Variants in FKBP5 observed in about 807,000 individuals in gnomAD.
FKBP5 encodes FKBP prolyl isomerase 5.
Under a neutral mutation model 50.5 loss-of-function variants are expected in FKBP5, and 23 were observed. The observed-to-expected ratio is 0.46, with a 90% CI of 0.33 to 0.65. FKBP5 has a LOEUF of 0.65. Ranked by LOEUF, FKBP5 falls within the 30% of genes least tolerant of loss-of-function variation. The probability of loss-of-function intolerance (pLI) is 0.02; values close to 1 mark genes in which losing one functional copy is unlikely to be tolerated. For synonymous variants in FKBP5, 176 were observed against 190.6 expected (o/e 0.92, Z 0.63); for missense variants, 411 against 553.1 (o/e 0.74, Z 2.58).
rs144774296 is a variant in FKBP5, at chr6:35,610,288, C to T, written c.508+8808G>A. Among the ~76,000 whole-genome samples, 191 of 152,118 alleles carry T rather than the reference C, an allele frequency of 1.3e-3. 2 individuals are homozygous for T. The East Asian group carries it at 0.029, about 23-fold the overall frequency. On this transcript the variant is annotated intron_variant, in intron 5 of 10. Coordinates refer to ENST00000357266, the MANE Select transcript of FKBP5 (RefSeq NM_004117.4). ...TTTGTTTTAAAAGTTCAAAAAAGGC[C>T]GGGCGTGGTGGTTCACACCTATAAT...
intron 1 of FKBP5, among the ~76,000 whole-genome samples, chr6:35,676,503 A>G (rs1177767123): frequency 1.3e-5 from 2 of 152,232 alleles, no homozygotes; most frequent in African/African-American, 4.8e-5. Context: ...TCATACAGCA[A>G]CTTAGTGGCA....
intron 1 of FKBP5, among the ~76,000 whole-genome samples, chr6:35,663,661 C>T (rs934616460): frequency 1.3e-5 from 2 of 152,224 alleles, no homozygotes; most frequent in African/African-American, 4.8e-5. Context: ...TTTGCACTTG[C>T]TATCCCCACT....
chr6:35,584,294 T>C, intron 8 of FKBP5: 1 of 985,454 alleles, frequency 1.0e-6, no homozygotes, highest in South Asian at 4.7e-5. Flanking sequence ...AATGGCAAAA[T>C]CATTCCCACT....
chr6:35,707,104 A>G (rs1766329980), intron 2 of FKBP5, among the ~76,000 whole-genome samples: 1 of 152,100 alleles, frequency 6.6e-6, no homozygotes, highest in Non-Finnish European at 1.5e-5. Context: ...CTGGGAATCT[A>G]GGGAGGAAAA....
intron 1 of FKBP5, among the ~76,000 whole-genome samples, chr6:35,657,775 G>C (rs1379722634): frequency 6.6e-6 from 1 of 151,726 alleles, no homozygotes; most frequent in Admixed American, 6.6e-5. Flanking sequence ...TTTGTACTTA[G>C]GGGGTCTCAC....
At chr6:35,579,746 T>C (rs1270022296) in intron 9 of FKBP5, among the ~76,000 whole-genome samples, 1 of 152,204 alleles carries the variant, frequency 6.6e-6, no homozygotes. Flanking sequence ...CTGATATAAA[T>C]ACTACAGTTA....
intron 5 of FKBP5, among the ~76,000 whole-genome samples, chr6:35,602,821 A>G (rs1561852751): frequency 2.6e-5 from 4 of 152,170 alleles, no homozygotes; most frequent in South Asian, 2.1e-4. Flanking sequence ...CTGGAACTGA[A>G]TAACATTTAT....
chr6:35,707,874 A>G (rs576591222), intron 2 of FKBP5, among the ~76,000 whole-genome samples: 1 of 152,312 alleles, frequency 6.6e-6, no homozygotes, highest in Admixed American at 6.5e-5. Flanking sequence ...CTGGCAAAGG[A>G]TATGATCTCC....
At chr6:35,724,244 A>T (rs1266882902) in intron 1 of FKBP5, among the ~76,000 whole-genome samples, 1 of 152,126 alleles carries the variant, frequency 6.6e-6, no homozygotes, top group African/African-American at 2.4e-5. Flanking sequence ...CCAGAGCCAA[A>T]TCAATACAAC....
At chr6:35,623,128 G>C (rs184674431) in intron 3 of FKBP5, among the ~76,000 whole-genome samples, 108 of 152,300 alleles carry the variant, frequency 7.1e-4, no homozygotes, top group African/African-American at 2.3e-3. Context: ...TGTAGTCCCA[G>C]CTACTCCGGA....
chr6:35,712,399 A>G (rs1032721648), intron 2 of FKBP5, among the ~76,000 whole-genome samples: 5 of 152,100 alleles, frequency 3.3e-5, no homozygotes, highest in Non-Finnish European at 7.4e-5. Context: ...TGTCAGGAGA[A>G]AGCCCCAGAA....
At position 35,637,125 on chromosome 6, in the gene FKBP5, G is replaced by C; in HGVS notation, c.139C>G (p.Pro47Ala). Residue 47 changes from proline (P) to alanine (A), a missense_variant, in exon 3 of 11, where the codon CCG becomes GCG. This residue lies in a region of FKBP5 where 56 missense variants were observed against 58.2 expected (regional missense o/e 0.96). Transcript: ENST00000357266. ...VKRVGNGEET[P>A]MIGDKVYVHY... is the part of the protein sequence containing the mutation. ...ACATAAACTTTGTCTCCAATCATCG[G>C]CGTTTCCTCACCATTCCCCACTCTT... is the stretch of plus-strand genomic sequence containing the variant. 1 of 1,609,198 alleles carries C rather than the reference G, an allele frequency of 6.2e-7. No homozygotes were observed. Among genetic ancestry groups the C allele is most frequent in the Non-Finnish European group, 8.5e-7 (1 of 1,178,972 alleles).
rs1006637180 is a variant in FKBP5 at position 35,728,074 on chromosome 6, G to A, written c.-241+434C>T. Among the ~76,000 whole-genome samples, 3 of 152,328 alleles carry A rather than the reference G, an allele frequency of 2.0e-5. No individual in the cohort carries two copies. The South Asian group carries it at 6.2e-4, about 32-fold the overall frequency. The stretch of plus-strand genomic sequence containing the variant: ...CGAGCACAAACAGGGCGAGGAGGCT[G>A]GTGTGAGCGCCTGGGCCCGCTGCCA... On this transcript the variant is annotated intron_variant, in intron 1 of 11. Transcript: ENST00000536438.
chr6:35,714,690 GC>G (rs1766481869), intron 2 of FKBP5, among the ~76,000 whole-genome samples: 1 of 151,190 alleles, frequency 6.6e-6, no homozygotes, highest in African/African-American at 2.4e-5. Flanking sequence ...GGTGGCGGGA[GC>G]CTGTAATCCC....
At chr6:35,650,641 A>C (rs1764773671) in intron 1 of FKBP5, among the ~76,000 whole-genome samples, 1 of 151,768 alleles carries the variant, frequency 6.6e-6, no homozygotes, top group Non-Finnish European at 1.5e-5. Context: ...TGCCCGGCTA[A>C]TTTTTGTATT....
In FKBP5 at chr6:35,641,729, G is replaced by A. The variant is rs186949203; in HGVS notation, c.105+991C>T. 6.4e-4 allele frequency among the ~76,000 whole-genome samples: 97 copies of A among 152,230 alleles called. 1 individual carries two copies. Among genetic ancestry groups the A allele is most frequent in the African/African-American group, 2.3e-3 (95 of 41,534 alleles). On this transcript the variant is annotated intron_variant, in intron 2 of 10. Transcript: ENST00000357266. The stretch of plus-strand genomic sequence containing the variant: ...ATAAAAATAAACCCCTTTGGGCCGG[G>A]CACGGTGGCTCATGCCTGTAATCCC...
At chr6:35,655,665 T>G (rs1440278971) in intron 1 of FKBP5, among the ~76,000 whole-genome samples, 1 of 152,232 alleles carries the variant, frequency 6.6e-6, no homozygotes, top group African/African-American at 2.4e-5. Flanking sequence ...CATGTAAAGA[T>G]GGCAAAATAT....
chr6:35,712,040 A>AT (rs1554139662), intron 2 of FKBP5, among the ~76,000 whole-genome samples: 1 of 90,590 alleles, frequency 1.1e-5, no homozygotes, highest in African/African-American at 7.2e-5. Flanking sequence ...CACTGGGCTA[A>AT]TTAAAAAAAA....
At chr6:35,714,313 G>T (rs10807153) in intron 2 of FKBP5, among the ~76,000 whole-genome samples, 2 of 36,654 alleles carry the variant, frequency 5.5e-5, no homozygotes, top group Admixed American at 2.7e-4. Flanking sequence ...TTAGCCGGGC[G>T]TGGTGGCATG....
Sources: allele counts gnomAD v4.1 joint callset (sites outside exome capture counted in the v4.1 genomes callset), GRCh38; gene constraint gnomAD v4.1.1; regional missense constraint gnomAD v4.1.1; transcripts MANE v1.5; gene names NCBI Gene and HGNC (gene_info 2026-07-23, HGNC 2026-07-21).